Variants in POU2AF3 observed in about 807,000 individuals in gnomAD.
POU2AF3 encodes POU class 2 homeobox associating factor 3.
chr11:111,300,164 G>A, the POU2AF3 span: 2 of 350,730 alleles, frequency 5.7e-6, no homozygotes, highest in Non-Finnish European at 1.0e-5. Context: ...CGGCTGTCTG[G>A]GTCTGAAAGC....
At chr11:111,301,187 A>G in the POU2AF3 span, among the ~76,000 whole-genome samples, 20 of 152,222 alleles carry the variant, frequency 1.3e-4, no homozygotes, top group Non-Finnish European at 5.9e-5. Flanking sequence ...CCTAAAATGT[A>G]TCAACACCTT....
At chr11:111,298,762 G>T in the POU2AF3 span, 1 of 1,132,766 alleles carries the variant, frequency 8.8e-7, no homozygotes, top group Non-Finnish European at 1.1e-6. Context: ...CCCACTCAGC[G>T]CCTGTCCCGG....
the POU2AF3 span, chr11:111,300,022 AGAAG>A: frequency 5.0e-6 from 2 of 396,914 alleles, no homozygotes; most frequent in Non-Finnish European, 8.9e-6. Flanking sequence ...GGCCAGGCGG[AGAAG>A]GAAGGGACTC....
chr11:111,300,570 G>T, the POU2AF3 span: 1 of 1,232,238 alleles, frequency 8.1e-7, no homozygotes, highest in South Asian at 4.1e-5. Context: ...AGATCACAGT[G>T]AAGGAGCTGC....
At chr11:111,303,281 G>A in the POU2AF3 span, among the ~76,000 whole-genome samples, 1 of 152,030 alleles carries the variant, frequency 6.6e-6, no homozygotes, top group Non-Finnish European at 1.5e-5. Context: ...TTGCCTTTGG[G>A]GTAAAAGGAA....
At chr11:111,302,033 G>A in the POU2AF3 span, among the ~76,000 whole-genome samples, 1,165 of 152,268 alleles carry the variant, frequency 7.7e-3, 17 homozygotes, top group Non-Finnish European at 7.1e-3. Flanking sequence ...ATTTCTAGAG[G>A]ACTTCACAGT....
chr11:111,302,103 A>G, the POU2AF3 span, among the ~76,000 whole-genome samples: 1 of 152,274 alleles, frequency 6.6e-6, no homozygotes, highest in Non-Finnish European at 1.5e-5. Context: ...TATAACAACC[A>G]GCGGAGGTAA....
At chr11:111,299,762 G>C in the POU2AF3 span, 1 of 1,212,898 alleles carries the variant, frequency 8.2e-7, no homozygotes, top group Non-Finnish European at 1.0e-6. Context: ...GTAGGAGCGG[G>C]GGCGAAGGAG....
At chr11:111,306,333 C>T in the POU2AF3 span, 1 of 911,946 alleles carries the variant, frequency 1.1e-6, no homozygotes, top group African/African-American at 1.7e-5. Context: ...TATAGATCTC[C>T]ATTCAAATCT....
the POU2AF3 span, chr11:111,306,342 C>A: frequency 9.5e-7 from 1 of 1,050,394 alleles, no homozygotes; most frequent in Non-Finnish European, 1.3e-6. Context: ...CCATTCAAAT[C>A]TGTGTTTTGC....
At chr11:111,299,872 G>A in the POU2AF3 span, 9 of 553,160 alleles carry the variant, frequency 1.6e-5, no homozygotes, top group African/African-American at 1.4e-4. Context: ...GAGTTCCTCG[G>A]GCCTGGCCCC....
At chr11:111,304,229 G>A in the POU2AF3 span, among the ~76,000 whole-genome samples, 2 of 152,026 alleles carry the variant, frequency 1.3e-5, no homozygotes, top group South Asian at 2.1e-4. Flanking sequence ...TGTTCTTTGG[G>A]GAAACGACTC....
At chr11:111,298,824 A>AGGGCGGG in the POU2AF3 span, 1 of 903,144 alleles carries the variant, frequency 1.1e-6, no homozygotes, top group Non-Finnish European at 1.4e-6. Flanking sequence ...CGCGTACCCC[A>AGGGCGGG]GGCCCCCGCC....
the POU2AF3 span, chr11:111,300,764 T>C: frequency 1.9e-5 from 7 of 371,996 alleles, no homozygotes; most frequent in Non-Finnish European, 3.3e-5. Flanking sequence ...ATGACTTCTG[T>C]ACCCAGCTGC....
At chr11:111,304,673 C>T in the POU2AF3 span, among the ~76,000 whole-genome samples, 3 of 152,010 alleles carry the variant, frequency 2.0e-5, no homozygotes, top group East Asian at 1.9e-4. Context: ...ATACACCTAC[C>T]GCAATTCTAT....
the POU2AF3 span, chr11:111,304,790 G>T: frequency 9.5e-6 from 4 of 421,302 alleles, no homozygotes; most frequent in Admixed American, 4.6e-5. Flanking sequence ...AAAAAAAAAA[G>T]AAAGCAACTT....
At chr11:111,300,610 T>A in the POU2AF3 span, 1 of 1,231,366 alleles carries the variant, frequency 8.1e-7, no homozygotes, top group South Asian at 4.1e-5. Flanking sequence ...CCAGGCGGCC[T>A]CCGGGGGAAC....
At chr11:111,299,276 C>A in the POU2AF3 span, 1 of 986,680 alleles carries the variant, frequency 1.0e-6, no homozygotes, top group Non-Finnish European at 1.2e-6. Flanking sequence ...CCAGGCTGAA[C>A]GCGCGGTCAC....
chr11:111,298,911 G>T, the POU2AF3 span: 16 of 1,093,784 alleles, frequency 1.5e-5, no homozygotes, highest in African/African-American at 1.6e-4. Context: ...GCTACGGGGG[G>T]AGCTAGAGGC....
Sources: allele counts gnomAD v4.1 joint callset (sites outside exome capture counted in the v4.1 genomes callset), GRCh38; gene constraint gnomAD v4.1.1; transcripts MANE v1.5; gene names NCBI Gene and HGNC (gene_info 2026-07-23, HGNC 2026-07-21).